Variants in HERC2 observed in about 807,000 individuals in gnomAD.
The protein encoded by HERC2 is HECT and RLD domain containing E3 ubiquitin protein ligase 2.
A neutral mutation model predicts 537.7 loss-of-function variants in HERC2; 102 were observed. The ratio of observed to expected loss-of-function variants is 0.19; its 90% CI spans 0.16 to 0.22. The LOEUF (loss-of-function observed/expected upper bound fraction) is 0.22. Among genes scored for constraint, HERC2 ranks in the 10% least tolerant of loss-of-function variants. The probability of loss-of-function intolerance (pLI) is 1.00; values close to 1 mark genes in which losing one functional copy is unlikely to be tolerated. For missense variants in HERC2, 4,236 were observed against 6,198.2 expected, an observed-to-expected ratio of 0.68 and a Z score of 10.63; for synonymous variants, 2,224 against 2,466.2, an observed-to-expected ratio of 0.90 and a Z score of 2.91.
At position 28,176,393 on chromosome 15, in the gene HERC2, GCACA is replaced by G; in HGVS notation, c.9686+31_9686+34del. 1 of 1,607,914 alleles carries G rather than the reference GCACA, an allele frequency of 6.2e-7. No homozygotes were observed. The highest frequency in any genetic ancestry group is 8.5e-7 in the Non-Finnish European group (1 of 1,175,018). On this transcript the variant is annotated intron_variant, in intron 63 of 92. Transcript: ENST00000261609. This position sits in a 1 kb window ranked among gnomAD's most constrained non-coding sequence, Gnocchi z 5.0. The stretch of plus-strand genomic sequence containing the variant: ...AGGTTCCCTGCACACACCTGCACAA[GCACA>G]CACAGTGTGACAGGGAGGACGTTTA...
chr15:28,219,078 AAAT>A (rs1420705078), intron 37 of HERC2, among the ~76,000 whole-genome samples: 2 of 152,362 alleles, frequency 1.3e-5, no homozygotes, highest in African/African-American at 2.4e-5. Flanking sequence ...AGAATCTTTT[AAAT>A]AATAATTCTC....
intron 70 of HERC2, among the ~76,000 whole-genome samples, chr15:28,150,184 G>C (rs750750402): frequency 6.2e-5 from 9 of 144,532 alleles, no homozygotes; most frequent in African/African-American, 1.8e-4. Flanking sequence ...CGAAAAAAAC[G>C]CACGCGGCTG....
Position 28,174,549 on chromosome 15 carries a change from T to G in HERC2, c.9903A>C (p.Thr3301=). Residue 3301 remains threonine, a synonymous_variant, in exon 65 of 93, where the codon ACA becomes ACC. Coordinates refer to ENST00000261609, the MANE Select transcript of HERC2 (RefSeq NM_004667.6). The stretch of plus-strand genomic sequence containing the variant: ...TCTGGCCTTCTAAGCCTTGCACGAG[T>G]GTGGGCTTCCTGTTAACCGTGGTCG... ...NGTTTVNRKP[T]LVQGLEGQKI... is the part of the protein sequence containing the mutation. The G allele has an allele frequency of 6.4e-7, 1 of 1,550,556 alleles. No individual in the cohort carries two copies. Among genetic ancestry groups the G allele is most frequent in the Non-Finnish European group, 8.8e-7 (1 of 1,138,638 alleles).
At position 28,113,644 on chromosome 15, in the gene HERC2, G is replaced by C; in HGVS notation, c.13948C>G (p.Arg4650Gly). 2.5e-6 allele frequency: 4 copies of C among 1,614,112 alleles called. No individual in the cohort carries two copies. Among genetic ancestry groups the C allele is most frequent in the South Asian group, 2.2e-5 (2 of 91,082 alleles). ...HEFDEQVAAVREGMARVVPVP... is the reference protein window; with the variant it reads ...HEFDEQVAAVGEGMARVVPVP... ...GGCACAACGCGGGCCATTCCTTCCC[G>C]AACAGCAGCCACCTGCTCATCAAAT... is the stretch of plus-strand genomic sequence containing the variant. The change falls in exon 91 of 93, where the codon CGG becomes GGG. Residue 4650 changes from arginine (R) to glycine (G), a missense_variant. Arg to Gly is a moderately radical substitution (Grantham distance 125, BLOSUM62 -2). Around this residue, in one of 27 missense-constraint regions of HERC2, gnomAD observed 313 missense variants for 462.6 expected, o/e 0.68. Coordinates refer to ENST00000261609, the MANE Select transcript of HERC2 (RefSeq NM_004667.6). This position sits in a 1 kb window ranked among gnomAD's most constrained non-coding sequence, Gnocchi z 7.0.
At chr15:28,179,254 A>G (rs1566976743) in intron 57 of HERC2, 31 bp from the exon 58 acceptor site, 3 of 1,495,908 alleles carry the variant, frequency 2.0e-6, no homozygotes, top group Admixed American at 2.1e-5. Context: ...CAAAAAAAAA[A>G]GAAAAGAAAA....
chr15:28,286,203 A>C (rs1250009707), intron 4 of HERC2, among the ~76,000 whole-genome samples: 2 of 151,810 alleles, frequency 1.3e-5, no homozygotes, highest in Non-Finnish European at 2.9e-5. Context: ...TAATATTAGA[A>C]GCTAATATTA....
chr15:28,267,708 G>A (rs2075607038), intron 12 of HERC2, among the ~76,000 whole-genome samples: 1 of 152,246 alleles, frequency 6.6e-6, no homozygotes, highest in African/African-American at 2.4e-5. Flanking sequence ...GATGCTGTCG[G>A]CAATGATGCC....
intron 2 of HERC2, among the ~76,000 whole-genome samples, chr15:28,319,209 A>C (rs2077169098): frequency 6.6e-6 from 1 of 152,276 alleles, no homozygotes; most frequent in Non-Finnish European, 1.5e-5. Flanking sequence ...TTTTCATGCT[A>C]CTTAGACCTG....
chr15:28,231,761 C>A (rs1348069868), intron 30 of HERC2, among the ~76,000 whole-genome samples: 2 of 151,992 alleles, frequency 1.3e-5, no homozygotes, highest in African/African-American at 2.4e-5. Context: ...AATCATCAAG[C>A]CTGAGAGAAG....
At position 28,160,231 on chromosome 15, in the gene HERC2, T is replaced by G. The variant is rs1893443895; in HGVS notation, c.10746+2863A>C. ...TCCATTCTCAGGTCTCAAACTCCGT[T>G]CTGGGAGAACCACTACTCTCTTCAA... On this transcript the variant is annotated intron_variant, in intron 69 of 92. Transcript: ENST00000261609. 7.2e-5 allele frequency among the ~76,000 whole-genome samples: 11 copies of G among 152,152 alleles called. No individual in the cohort carries two copies. The South Asian group carries it at 2.3e-3, about 32-fold the overall frequency.
rs148150960 is a variant in HERC2, at chr15:28,167,817, G to A, written c.10424C>T (p.Ser3475Phe). The A allele has an allele frequency of 2.4e-4, 389 of 1,613,044 alleles. No homozygotes were observed. Among genetic ancestry groups the A allele is most frequent in the Non-Finnish European group, 2.8e-4 (331 of 1,179,762 alleles). Residue 3475 changes from serine (S) to phenylalanine (F), a missense_variant, in exon 68 of 93, where the codon TCT (serine) becomes TTT (phenylalanine). Transcript: ENST00000261609. ...PWQEKREIVS[S>F]EDAVTPSAVT... is the part of the protein sequence containing the mutation. The stretch of plus-strand genomic sequence containing the variant: ...TGCAGAGGGGGTCACTGCGTCCTCA[G>A]AGGAAACAATCTAGTCCAAGAGTGC...
At chr15:28,200,577 G>C (rs1220306447) in intron 48 of HERC2, among the ~76,000 whole-genome samples, 2 of 152,116 alleles carry the variant, frequency 1.3e-5, no homozygotes, top group African/African-American at 4.8e-5. Flanking sequence ...TAAGACAAGG[G>C]GGAACCACTC....
At chr15:28,190,659 A>C (rs1213462062) in intron 55 of HERC2, 7 of 370,742 alleles carry the variant, frequency 1.9e-5, no homozygotes, top group Non-Finnish European at 2.9e-5. Context: ...TGAAAACCGA[A>C]GTGTTCAGAT....
chr15:28,174,114 A>C (rs1288540965), intron 65 of HERC2, among the ~76,000 whole-genome samples: 1 of 152,134 alleles, frequency 6.6e-6, no homozygotes, highest in Non-Finnish European at 1.5e-5. Context: ...CAGTGCCTGT[A>C]TCTCTCAGGC....
intron 10 of HERC2, among the ~76,000 whole-genome samples, chr15:28,269,698 C>T (rs1175824447): frequency 6.6e-6 from 1 of 152,176 alleles, no homozygotes; most frequent in Non-Finnish European, 1.5e-5. Context: ...CCCTTAAATA[C>T]TAATATATTT....
intron 2 of HERC2, among the ~76,000 whole-genome samples, chr15:28,320,917 T>C (rs1727928586): frequency 6.6e-6 from 1 of 152,114 alleles, no homozygotes; most frequent in African/African-American, 2.4e-5. Context: ...AACTAACTCT[T>C]GTCTCTCCAG....
chr15:28,204,437 T>C (rs1290629172), intron 45 of HERC2, among the ~76,000 whole-genome samples: 1 of 152,012 alleles, frequency 6.6e-6, no homozygotes, highest in South Asian at 2.1e-4. Flanking sequence ...CTGGCCAACA[T>C]GGTAAAACCC....
chr15:28,115,262 AT>A (rs11375781), intron 89 of HERC2, 166 bp downstream of exon 89: 28,608 of 373,720 alleles, frequency 0.077, 177 homozygotes, highest in South Asian at 0.14. Flanking sequence ...TAGATGGTCT[AT>A]TTTTTTTTTT....
chr15:28,282,434 T>A (rs762149132), intron 4 of HERC2, among the ~76,000 whole-genome samples: 1 of 151,254 alleles, frequency 6.6e-6, no homozygotes, highest in Non-Finnish European at 1.5e-5. Context: ...TACAAACACA[T>A]GTGAAATAAA....
Sources: gnomAD v4.1 joint callset for allele counts (sites outside exome capture counted in the v4.1 genomes callset) on GRCh38, gnomAD v4.1.1 for gene constraint, gnomAD v4.1.1 regional missense constraint, Gnocchi (gnomAD v3.1) non-coding constraint, MANE v1.5 for transcripts, NCBI Gene and HGNC (gene_info 2026-07-23, HGNC 2026-07-21) for gene names.